The following WSCD2 variants were observed in gnomAD, a reference collection of about 807,000 sequenced individuals.
WSCD2 encodes sialate:O-sulfotransferase 2.
In WSCD2, 28 loss-of-function variants were observed where a neutral mutation model predicts 55.7. The observed-to-expected ratio is 0.50, with a 90% CI of 0.37 to 0.69. WSCD2 has a LOEUF of 0.69. Ranked by LOEUF, WSCD2 falls within the 30% of genes least tolerant of loss-of-function variation. WSCD2 has a pLI of 0.00. For missense variants in WSCD2, 616 were observed against 762.1 expected (o/e 0.81, Z 2.26); for synonymous variants, 301 against 301.9 (o/e 1.00, Z 0.03).
chr12:108,157,107 A>T (rs942038539), intron 1 of WSCD2, among the ~76,000 whole-genome samples: 2 of 152,156 alleles, frequency 1.3e-5, no homozygotes, highest in Non-Finnish European at 1.5e-5. Context: ...AGGGCCCCAG[A>T]TATTTCTCTG....
intron 4 of WSCD2, among the ~76,000 whole-genome samples, chr12:108,220,552 C>T (rs1887377733): frequency 1.3e-5 from 2 of 152,134 alleles, no homozygotes; most frequent in African/African-American, 2.4e-5. Context: ...TTTTTAAAGA[C>T]AAGGTCCCAC....
Position 108,168,818 on chromosome 12 carries a change from C to T in WSCD2, c.-551-26464C>T, listed in dbSNP as rs115909638. On this transcript the variant is annotated intron_variant, in intron 1 of 8. Transcript: ENST00000547525. Reference sequence around the variant, plus strand: ...GTTTTTATACCATTCTCTCCTGCACCTCAGTATCTAGCAATGTTCCTGGTG... The same window carrying T: ...GTTTTTATACCATTCTCTCCTGCACTTCAGTATCTAGCAATGTTCCTGGTG... Among the ~76,000 whole-genome samples the T allele has an allele frequency of 1.8e-3, 276 of 152,284 alleles. 1 individual carries two copies. The highest frequency in any genetic ancestry group is 6.1e-3 in the African/African-American group (252 of 41,558).
At chr12:108,159,820 ATTTG>A (rs1367772202) in intron 1 of WSCD2, among the ~76,000 whole-genome samples, 1 of 152,110 alleles carries the variant, frequency 6.6e-6, no homozygotes, top group Non-Finnish European at 1.5e-5. Context: ...CCTTGCCATC[ATTTG>A]TTTTTCTCAG....
intron 1 of WSCD2, among the ~76,000 whole-genome samples, chr12:108,156,805 A>G (rs1054996422): frequency 3.9e-5 from 6 of 152,224 alleles, no homozygotes; most frequent in African/African-American, 1.2e-4. Context: ...CTCCCTGGTC[A>G]CCACCAAACC....
intron 5 of WSCD2, among the ~76,000 whole-genome samples, chr12:108,225,836 G>A (rs374799626): frequency 8.5e-5 from 13 of 152,184 alleles, no homozygotes; most frequent in East Asian, 7.7e-4. Context: ...CTTAAAATGA[G>A]CTAATGACTC....
chr12:108,172,390 ATTCAATGC>A (rs1461301555), intron 1 of WSCD2, among the ~76,000 whole-genome samples: 3 of 152,246 alleles, frequency 2.0e-5, no homozygotes, highest in Non-Finnish European at 4.4e-5. Flanking sequence ...GGCAGGTGGC[ATTCAATGC>A]CAGATATACT....
chr12:108,196,009 T>G lies in WSCD2; in HGVS notation c.177T>G (p.Ala59=). 1 of 1,614,226 alleles carries G rather than the reference T, an allele frequency of 6.2e-7. No individual in the cohort carries two copies. Among genetic ancestry groups the G allele is most frequent in the East Asian group, 2.2e-5 (1 of 44,882 alleles). ...QANPAAAGGP[A]EGAELSFLGD... is the part of the protein sequence containing the mutation. ...ACCCCGCTGCTGCAGGAGGCCCAGC[T>G]GAGGGTGCTGAGCTGTCCTTCTTGG... The change falls in exon 2 of 9, where the codon GCT becomes GCG. Residue 59 remains alanine, a synonymous_variant. Coordinates refer to ENST00000547525, the MANE Select transcript of WSCD2 (RefSeq NM_014653.4).
chr12:108,218,339 T>G (rs1404598594), intron 4 of WSCD2, among the ~76,000 whole-genome samples: 1 of 152,192 alleles, frequency 6.6e-6, no homozygotes, highest in African/African-American at 2.4e-5. Context: ...GTTTCCTAGT[T>G]GCTAAGTCTT....
intron 1 of WSCD2, among the ~76,000 whole-genome samples, chr12:108,131,358 C>T (rs150449123): frequency 6.6e-6 from 1 of 152,316 alleles, no homozygotes; most frequent in East Asian, 1.9e-4. Context: ...GTGATTGTCA[C>T]TGATGAGATT....
intron 1 of WSCD2, among the ~76,000 whole-genome samples, chr12:108,166,761 T>TTTCTTTCTCTTTCTTTC (rs10680980): frequency 2.4e-5 from 3 of 124,820 alleles, no homozygotes; most frequent in African/African-American, 9.2e-5. Flanking sequence ...TCTTTCTTTC[T>TTTCTTTCTCTTTCTTTC]TTTCTTTCTT....
At chr12:108,204,559 C>T (rs1230109066) in intron 2 of WSCD2, among the ~76,000 whole-genome samples, 1 of 152,218 alleles carries the variant, frequency 6.6e-6, no homozygotes, top group Non-Finnish European at 1.5e-5. Context: ...AAGTCAAGGG[C>T]TGTGACTCCA....
intron 4 of WSCD2, among the ~76,000 whole-genome samples, chr12:108,219,913 G>C (rs556522850): frequency 6.6e-6 from 1 of 152,364 alleles, no homozygotes; most frequent in African/African-American, 2.4e-5. Flanking sequence ...CCAGGGTCAA[G>C]ATCTGGACAT....
In WSCD2 at chr12:108,206,321, C is replaced by T. The variant is rs1038689808; in HGVS notation, c.415C>T (p.Gln139Ter). 2.5e-6 allele frequency: 4 copies of T among 1,614,220 alleles called. No homozygotes were observed. The highest frequency in any genetic ancestry group is 2.5e-6 in the Non-Finnish European group (3 of 1,180,040). Reference protein sequence around the residue: ...KYIGCYLDDTQSRALRGVSFF... With the variant: ...KYIGCYLDDT ...CATCGGCTGCTACCTGGATGACACCCAGAGTCGGGCCCTTCGAGGAGTGTC... is the reference window on the plus strand; with the variant it reads ...CATCGGCTGCTACCTGGATGACACCTAGAGTCGGGCCCTTCGAGGAGTGTC... The change falls in exon 3 of 9, where the codon CAG becomes TAG. Residue 139 changes from glutamine to a stop codon, truncating the protein, a stop_gained. Transcript: ENST00000547525. LOFTEE classifies it high-confidence loss of function.
intron 7 of WSCD2, among the ~76,000 whole-genome samples, chr12:108,239,112 T>G (rs917525338): frequency 6.6e-6 from 1 of 152,208 alleles, no homozygotes; most frequent in African/African-American, 2.4e-5. Flanking sequence ...CTTTCTGGTC[T>G]AGTGCTGGCC....
At chr12:108,144,832 C>G (rs1877222428) in intron 1 of WSCD2, among the ~76,000 whole-genome samples, 1 of 152,156 alleles carries the variant, frequency 6.6e-6, no homozygotes, top group Non-Finnish European at 1.5e-5. Context: ...GGTGGCTTTC[C>G]CATCACTGTC....
chr12:108,136,669 C>G (rs1019156940), intron 1 of WSCD2, among the ~76,000 whole-genome samples: 1 of 152,204 alleles, frequency 6.6e-6, no homozygotes, highest in African/African-American at 2.4e-5. Flanking sequence ...ATTCACTTAT[C>G]TAAAGTCACA....
intron 1 of WSCD2, among the ~76,000 whole-genome samples, chr12:108,149,670 C>G (rs1877763630): frequency 1.3e-5 from 2 of 152,196 alleles, no homozygotes. Flanking sequence ...ATGTGTCCCC[C>G]ACCCCGCCAC....
In WSCD2 at chr12:108,138,682, C is replaced by G. The variant is rs371450610; in HGVS notation, c.-552+8756C>G. Reference sequence around the variant, plus strand: ...CATCTGTTCAGGACTCATGATGAATCAGTCATTTTCTGCCTCTTCACACCA... The same window carrying G: ...CATCTGTTCAGGACTCATGATGAATGAGTCATTTTCTGCCTCTTCACACCA... On this transcript the variant is annotated intron_variant, in intron 1 of 8. Transcript: ENST00000547525. Among the ~76,000 whole-genome samples, 689 of 152,314 alleles carry G rather than the reference C, an allele frequency of 4.5e-3. 6 individuals carry two copies. The highest frequency in any genetic ancestry group is 0.015 in the African/African-American group (642 of 41,568).
intron 8 of WSCD2, among the ~76,000 whole-genome samples, chr12:108,243,206 G>A (rs1889881237): frequency 6.6e-6 from 1 of 152,204 alleles, no homozygotes; most frequent in Non-Finnish European, 1.5e-5. Context: ...TGGGAGTGGG[G>A]CTCCAGAAAT....
Sources: allele counts gnomAD v4.1 joint callset (sites outside exome capture counted in the v4.1 genomes callset), GRCh38; gene constraint gnomAD v4.1.1; transcripts MANE v1.5; gene names NCBI Gene and HGNC (gene_info 2026-07-23, HGNC 2026-07-21).